SSBP2: variants seen among roughly 807,000 people sequenced by gnomAD.
SSBP2 encodes the protein single stranded DNA binding protein 2.
SSBP2 carries 17 observed loss-of-function variants against 61.8 expected under a neutral mutation model. The ratio of observed to expected loss-of-function variants is 0.28; its 90% CI spans 0.19 to 0.41. SSBP2 has a LOEUF of 0.41. Ranked by LOEUF, SSBP2 falls within the 10% of genes least tolerant of loss-of-function variation. SSBP2 has a pLI of 1.00. For missense variants in SSBP2, 310 were observed against 458.7 expected (o/e 0.68, Z 2.96); for synonymous variants, 139 against 141.3 (o/e 0.98, Z 0.12).
intron 1 of SSBP2, among the ~76,000 whole-genome samples, chr5:81,737,871 A>G (rs1053820238): frequency 7.3e-5 from 11 of 151,546 alleles, no homozygotes; most frequent in East Asian, 1.9e-4. Context: ...TCACCCTTCC[A>G]TTCTCAAAAC....
chr5:81,711,478 G>A (rs1279492371), intron 1 of SSBP2, among the ~76,000 whole-genome samples: 3 of 152,116 alleles, frequency 2.0e-5, no homozygotes, highest in Non-Finnish European at 4.4e-5. Flanking sequence ...TTAGAAAAAT[G>A]TGAATCAATG....
chr5:81,503,378 C>T (rs751808152), intron 5 of SSBP2, among the ~76,000 whole-genome samples: 10 of 152,036 alleles, frequency 6.6e-5, no homozygotes, highest in Admixed American at 3.9e-4. Flanking sequence ...AGCTTGAACC[C>T]GGGAGGGGGA....
At chr5:81,748,986 A>C (rs1345069004) in intron 1 of SSBP2, among the ~76,000 whole-genome samples, 1 of 152,174 alleles carries the variant, frequency 6.6e-6, no homozygotes, top group African/African-American at 2.4e-5. Context: ...AAAATCTAAA[A>C]TTACTTTGAT....
rs1352242845 is a variant in SSBP2 at position 81,419,074 on chromosome 5, G to T, written c.*1430C>A. On this transcript the variant is annotated 3_prime_UTR_variant, in exon 17 of 17. Coordinates refer to ENST00000320672, the MANE Select transcript of SSBP2 (RefSeq NM_012446.5). ...TCTTTCTATTGTGATTTTGGTGTAT[G>T]TATGTATAATTAAGCACAAAATCCC... 1 of 152,174 alleles carries T rather than the reference G, an allele frequency of 6.6e-6. No homozygotes were observed. Among genetic ancestry groups the T allele is most frequent in the Non-Finnish European group, 1.5e-5 (1 of 68,034 alleles). 9.4% of individuals were successfully genotyped at this position (152,174 alleles called of 1,614,324 possible).
At chr5:81,687,731 A>G (rs1752922831) in intron 1 of SSBP2, among the ~76,000 whole-genome samples, 2 of 152,158 alleles carry the variant, frequency 1.3e-5, no homozygotes. Flanking sequence ...CCCAGAAGAC[A>G]TTTCTAGACA....
intron 1 of SSBP2, among the ~76,000 whole-genome samples, chr5:81,676,382 C>T (rs998263332): frequency 2.6e-5 from 4 of 152,114 alleles, no homozygotes; most frequent in African/African-American, 7.2e-5. Context: ...TCCCCATCAT[C>T]GGTAGACCTT....
At chr5:81,686,115 T>C (rs1371811799) in intron 1 of SSBP2, among the ~76,000 whole-genome samples, 2 of 152,224 alleles carry the variant, frequency 1.3e-5, no homozygotes, top group Admixed American at 6.5e-5. Context: ...TGAATCCAGA[T>C]AGCCTTACTA....
intron 1 of SSBP2, among the ~76,000 whole-genome samples, chr5:81,724,527 C>T (rs867593739): frequency 8.6e-5 from 13 of 151,918 alleles, no homozygotes; most frequent in African/African-American, 2.9e-4. Flanking sequence ...AGAAATAATT[C>T]GTACATAGTA....
At chr5:81,474,727 T>A (rs1423387963) in intron 6 of SSBP2, among the ~76,000 whole-genome samples, 165 bp from the exon 7 acceptor site, 1 of 152,222 alleles carries the variant, frequency 6.6e-6, no homozygotes, top group Non-Finnish European at 1.5e-5. Flanking sequence ...TGCAGGTTTA[T>A]ATACCTTAAA....
At chr5:81,660,635 G>A (rs1217352584) in intron 1 of SSBP2, among the ~76,000 whole-genome samples, 1 of 152,178 alleles carries the variant, frequency 6.6e-6, no homozygotes, top group African/African-American at 2.4e-5. Context: ...AATACCATGT[G>A]ACCCAGCAAT....
intron 1 of SSBP2, among the ~76,000 whole-genome samples, chr5:81,653,406 A>G (rs1749926741): frequency 6.6e-6 from 1 of 152,200 alleles, no homozygotes; most frequent in African/African-American, 2.4e-5. Context: ...TGCAATAAAC[A>G]TATGTGTGCA....
intron 4 of SSBP2, among the ~76,000 whole-genome samples, chr5:81,556,387 C>G (rs2153392828): frequency 6.6e-6 from 1 of 152,174 alleles, no homozygotes; most frequent in Admixed American, 6.5e-5. Flanking sequence ...AAGAAGGAGT[C>G]TCTTCCCTCT....
At chr5:81,491,771 C>T (rs1007959795) in intron 5 of SSBP2, among the ~76,000 whole-genome samples, 1 of 151,960 alleles carries the variant, frequency 6.6e-6, no homozygotes, top group African/African-American at 2.4e-5. Context: ...AATTAAAGCA[C>T]AAAAAGACAA....
chr5:81,572,919 A>T (rs770622332), intron 4 of SSBP2, among the ~76,000 whole-genome samples: 2 of 152,208 alleles, frequency 1.3e-5, no homozygotes, highest in Non-Finnish European at 2.9e-5. Context: ...ACAGGAGATG[A>T]GGGTCATGGT....
At chr5:81,513,881 T>C (rs1768808725) in intron 4 of SSBP2, among the ~76,000 whole-genome samples, 164 bp from the exon 5 acceptor site, 1 of 152,236 alleles carries the variant, frequency 6.6e-6, no homozygotes, top group African/African-American at 2.4e-5. Flanking sequence ...CAGTTTAGTA[T>C]ATGACTGGTT....
At chr5:81,460,613 G>A (rs1446728712) in intron 10 of SSBP2, among the ~76,000 whole-genome samples, 2 of 152,022 alleles carry the variant, frequency 1.3e-5, no homozygotes, top group Non-Finnish European at 2.9e-5. Flanking sequence ...TTGCTTTCTG[G>A]GGCAGCAAGA....
In SSBP2 at chr5:81,501,232, T is replaced by C. The variant is rs1485030006; in HGVS notation, c.373-11923A>G. 1.3e-4 allele frequency among the ~76,000 whole-genome samples: 5 copies of C among 37,098 alleles called. 1 individual carries two copies. Among genetic ancestry groups the C allele is most frequent in the African/African-American group, 1.0e-3 (5 of 4,766 alleles). 24.3% of individuals were successfully genotyped at this position (37,098 alleles called of 152,430 possible). ...TCTCAAATATATATATATATATATA[T>C]ATATATATATATATATATATATATA... On this transcript the variant is annotated intron_variant, in intron 5 of 16. Coordinates refer to ENST00000320672, the MANE Select transcript of SSBP2 (RefSeq NM_012446.5).
At chr5:81,549,822 A>T (rs975223388) in intron 4 of SSBP2, among the ~76,000 whole-genome samples, 1 of 152,174 alleles carries the variant, frequency 6.6e-6, no homozygotes, top group Non-Finnish European at 1.5e-5. Flanking sequence ...ACCACCCTCT[A>T]AGGTGATAAT....
chr5:81,747,444 A>G (rs1757430104), intron 1 of SSBP2, among the ~76,000 whole-genome samples: 1 of 152,164 alleles, frequency 6.6e-6, no homozygotes, highest in Non-Finnish European at 1.5e-5. Context: ...TGTTGGGAGA[A>G]TTAAGAAAAA....
Sources: allele counts gnomAD v4.1 joint callset (sites outside exome capture counted in the v4.1 genomes callset), GRCh38; gene constraint gnomAD v4.1.1; transcripts MANE v1.5; gene names NCBI Gene and HGNC (gene_info 2026-07-23, HGNC 2026-07-21).